The following FNBP1 variants were observed in gnomAD, a reference collection of about 807,000 sequenced individuals.
FNBP1 encodes formin-binding protein 1.
Under a neutral mutation model 90.6 loss-of-function variants are expected in FNBP1, and 26 were observed. That is an observed-to-expected ratio of 0.29 (90% CI 0.21 to 0.40). The LOEUF (loss-of-function observed/expected upper bound fraction) is 0.40. Ranked by LOEUF, FNBP1 falls within the 10% of genes least tolerant of loss-of-function variation. The pLI is 1.00. For missense variants in FNBP1, 635 were observed against 768.0 expected (o/e 0.83, Z 2.05); for synonymous variants, 260 against 265.2 (o/e 0.98, Z 0.19).
At chr9:129,918,030 A>G (rs75326398) in intron 10 of FNBP1, among the ~76,000 whole-genome samples, 1,942 of 152,332 alleles carry the variant, frequency 0.013, 18 homozygotes, top group Middle Eastern at 0.024. Context: ...AACTAGATAC[A>G]CTATTTGCTC....
intron 2 of FNBP1, among the ~76,000 whole-genome samples, chr9:129,983,485 G>C (rs1396498540): frequency 6.6e-6 from 1 of 152,136 alleles, no homozygotes; most frequent in Non-Finnish European, 1.5e-5. Context: ...GTTCTCTTGG[G>C]ACAAGGTTTT....
At chr9:129,907,798 G>C (rs552883787) in intron 12 of FNBP1, among the ~76,000 whole-genome samples, 1 of 150,936 alleles carries the variant, frequency 6.6e-6, no homozygotes. Context: ...GCGCAATCTC[G>C]GCTCACTGCA....
chr9:129,925,101 A>G lies in FNBP1; in HGVS notation c.846T>C (p.Ile282=), dbSNP rs200780992. 3 of 1,613,990 alleles carry G rather than the reference A, an allele frequency of 1.9e-6. No individual in the cohort carries two copies. The highest frequency in any genetic ancestry group is 2.5e-6 in the Non-Finnish European group (3 of 1,179,848). ...YKSGFEPPGD[I]EFEDYTQPMK... ...TTGGCTGAGTGTAATCCTCAAATTC[A>G]ATGTCTCCAGGAGGCTCAAACCCTG... The change falls in exon 9 of 17, where the codon ATT becomes ATC. Residue 282 remains isoleucine, a synonymous_variant. Coordinates refer to ENST00000446176, the MANE Select transcript of FNBP1 (RefSeq NM_015033.3).
intron 2 of FNBP1, among the ~76,000 whole-genome samples, chr9:129,982,134 G>C (rs993638236): frequency 6.6e-6 from 1 of 152,210 alleles, no homozygotes; most frequent in African/African-American, 2.4e-5. Context: ...CTTTGAGTTG[G>C]ATTATGATCA....
intron 1 of FNBP1, among the ~76,000 whole-genome samples, chr9:130,012,109 G>C (rs1589254485): frequency 6.6e-6 from 1 of 152,188 alleles, no homozygotes; most frequent in East Asian, 1.9e-4. Flanking sequence ...AATGACTTTT[G>C]ATTTAGGATA....
intron 2 of FNBP1, among the ~76,000 whole-genome samples, chr9:129,982,614 T>C (rs1184086069): frequency 2.6e-5 from 4 of 152,218 alleles, no homozygotes; most frequent in African/African-American, 7.2e-5. Context: ...AGTGGCTGCA[T>C]GTGAGATATT....
chr9:129,893,933 A>G (rs1297606015), intron 16 of FNBP1, among the ~76,000 whole-genome samples: 3 of 142,486 alleles, frequency 2.1e-5, no homozygotes, highest in African/African-American at 5.2e-5. Flanking sequence ...AAAAAAAAAA[A>G]GTTTTTTAAA....
chr9:130,008,172 C>T (rs1455264148), intron 1 of FNBP1, among the ~76,000 whole-genome samples: 1 of 151,484 alleles, frequency 6.6e-6, no homozygotes, highest in Admixed American at 6.6e-5. Context: ...TGGCGAGACC[C>T]ACTCTGCACA....
intron 6 of FNBP1, among the ~76,000 whole-genome samples, chr9:129,955,036 A>G (rs1588848024): frequency 6.6e-6 from 1 of 152,026 alleles, no homozygotes; most frequent in East Asian, 1.9e-4. Context: ...CTTTTGAAGC[A>G]CTCTCTTTGC....
chr9:129,889,557 G>A lies in FNBP1; in HGVS notation c.*982C>T, dbSNP rs1477023679. Reference sequence around the variant, plus strand: ...TGCACTCCAGTCTGAACAATAGAGCGAGACTCCCGTCTCAAAAAAAAAAAA... The same window carrying A: ...TGCACTCCAGTCTGAACAATAGAGCAAGACTCCCGTCTCAAAAAAAAAAAA... On this transcript the variant is annotated 3_prime_UTR_variant, in exon 17 of 17. Transcript: ENST00000446176. 3.0e-5 allele frequency: 6 copies of A among 197,068 alleles called. No individual in the cohort carries two copies. The highest frequency in any genetic ancestry group is 3.1e-5 in the Non-Finnish European group (3 of 97,936). The allele number at this position is 197,068 out of a possible 1,614,324, so 12.2% of individuals were successfully genotyped here.
At chr9:129,950,643 C>A (rs931957716) in intron 6 of FNBP1, among the ~76,000 whole-genome samples, 1 of 152,210 alleles carries the variant, frequency 6.6e-6, no homozygotes, top group African/African-American at 2.4e-5. Context: ...GACATTAATG[C>A]AGCTTGGTAA....
At position 129,890,552 on chromosome 9, in the gene FNBP1, A is replaced by C; in HGVS notation, c.1847-6T>G. 6.3e-7 allele frequency: 1 copy of C among 1,583,152 alleles called. No individual in the cohort carries two copies. The highest frequency in any genetic ancestry group is 1.2e-5 in the South Asian group (1 of 86,148). On this transcript the variant is annotated splice_polypyrimidine_tract_variant and splice_region_variant and intron_variant, in intron 16 of 16. Transcript: ENST00000446176. This position sits in a 1 kb window ranked among gnomAD's most constrained non-coding sequence, Gnocchi z 5.8. The stretch of plus-strand genomic sequence containing the variant: ...AGGCACTCCCCTCTAGGAATCTACA[A>C]CACAAAGAGAAACAGAAAGAGAAAC...
chr9:129,982,592 T>C (rs952038765), intron 2 of FNBP1, among the ~76,000 whole-genome samples: 2 of 152,208 alleles, frequency 1.3e-5, no homozygotes, highest in African/African-American at 4.8e-5. Flanking sequence ...GATTAGAGTA[T>C]TGGAAAAACG....
intron 2 of FNBP1, among the ~76,000 whole-genome samples, chr9:129,982,077 A>T (rs2051345644): frequency 6.6e-6 from 1 of 152,242 alleles, no homozygotes; most frequent in Non-Finnish European, 1.5e-5. Flanking sequence ...TGTAGAAAAA[A>T]CAATGCAAAA....
rs879542398 is a variant in FNBP1 at position 129,955,535 on chromosome 9, C to CA, written c.513+1824dup. On this transcript the variant is annotated intron_variant, in intron 6 of 16. Coordinates refer to ENST00000446176, the MANE Select transcript of FNBP1 (RefSeq NM_015033.3). ...ATAGGCATGAGCCCATACACCACAC[C>CA]AAAAAAAAAAAAAAAATTATTTATT... 5.0e-3 allele frequency among the ~76,000 whole-genome samples: 622 copies of CA among 123,998 alleles called. 4 individuals are homozygous for CA. The highest frequency in any genetic ancestry group is 7.6e-3 in the African/African-American group (254 of 33,622). 81.3% of individuals were successfully genotyped at this position (123,998 alleles called of 152,430 possible).
intron 2 of FNBP1, among the ~76,000 whole-genome samples, chr9:129,990,837 A>AC: frequency 6.6e-6 from 1 of 152,132 alleles, no homozygotes; most frequent in South Asian, 2.1e-4. Context: ...GATCCTGGAT[A>AC]AATCTGTAGA....
intron 1 of FNBP1, among the ~76,000 whole-genome samples, chr9:130,024,315 G>A (rs556208463): frequency 2.0e-5 from 3 of 152,064 alleles, no homozygotes; most frequent in East Asian, 3.9e-4. Context: ...GCTGGGCGTG[G>A]TAGTGTGCAC....
intron 2 of FNBP1, among the ~76,000 whole-genome samples, chr9:129,994,130 G>A (rs1001700882): frequency 2.0e-5 from 3 of 152,150 alleles, no homozygotes; most frequent in South Asian, 2.1e-4. Flanking sequence ...AATAATGCTC[G>A]TTGGAGCGCT....
intron 6 of FNBP1, among the ~76,000 whole-genome samples, chr9:129,943,549 G>A (rs1187740220): frequency 6.6e-6 from 1 of 151,992 alleles, no homozygotes; most frequent in African/African-American, 2.4e-5. Flanking sequence ...ACCATGCCCA[G>A]CTAATTTTTG....
Sources: gnomAD v4.1 joint callset for allele counts (sites outside exome capture counted in the v4.1 genomes callset) on GRCh38, gnomAD v4.1.1 for gene constraint, Gnocchi (gnomAD v3.1) non-coding constraint, MANE v1.5 for transcripts, NCBI Gene and HGNC (gene_info 2026-07-23, HGNC 2026-07-21) for gene names.